Variants in TEX11 observed in about 807,000 individuals in gnomAD.
TEX11 encodes testis expressed 11.
In TEX11, 7 loss-of-function variants were observed where a neutral mutation model predicts 84.4. The ratio of observed to expected loss-of-function variants is 0.08; its 90% confidence interval spans 0.05 to 0.16. The LOEUF is 0.16. TEX11 is among the 10% of genes least tolerant of loss of function. TEX11 has a pLI of 1.00. For missense variants in TEX11, 551 were observed against 660.5 expected, an observed-to-expected ratio of 0.83 and a Z score of 1.82; for synonymous variants, 264 against 222.8, an observed-to-expected ratio of 1.18 and a Z score of -1.64.
chrX:70,708,936 A>AG (rs1476759216), intron 13 of TEX11, among the ~76,000 whole-genome samples: 1 of 109,856 alleles, frequency 9.1e-6, no homozygotes, highest in African/African-American at 3.3e-5. Context: ...ATTAAAAAAA[A>AG]AAAAAACTCC....
chrX:70,567,982 A>G (rs2088518491), intron 25 of TEX11, among the ~76,000 whole-genome samples: 1 of 110,734 alleles, frequency 9.0e-6, no homozygotes, highest in Non-Finnish European at 1.9e-5. Context: ...GTCTCGTTGA[A>G]CTGTCTAATA....
Position 70,875,033 on chromosome X carries a change from G to A in TEX11, c.160-1726C>T, listed in dbSNP as rs1415465090. On this transcript the variant is annotated intron_variant, in intron 3 of 29. Coordinates refer to ENST00000374333, the MANE Select transcript of TEX11 (RefSeq NM_031276.3). Reference sequence around the variant, plus strand: ...CTACTAAAATATACAAAAATTAGTCGTGCGTGGTGGCAGGTGCCTGTAATC... The same window carrying A: ...CTACTAAAATATACAAAAATTAGTCATGCGTGGTGGCAGGTGCCTGTAATC... Among the ~76,000 whole-genome samples, 10 of 109,088 alleles carry A rather than the reference G, an allele frequency of 9.2e-5. No individual in the cohort carries two copies. The Admixed American group carries it at 9.8e-4, about 11-fold the overall frequency. 94.7% of individuals were successfully genotyped at this position (109,088 alleles called of 115,157 possible).
intron 26 of TEX11, among the ~76,000 whole-genome samples, 196 bp from the exon 27 acceptor site, chrX:70,553,610 G>A (rs2088248784): frequency 9.0e-6 from 1 of 111,422 alleles, no homozygotes; most frequent in Non-Finnish European, 1.9e-5. Context: ...AGAGTAGCAT[G>A]GTGGGATTAC....
At chrX:70,596,491 G>A (rs1368704055) in intron 24 of TEX11, among the ~76,000 whole-genome samples, 2 of 111,000 alleles carry the variant, frequency 1.8e-5, no homozygotes, top group African/African-American at 6.5e-5. Context: ...AACAATTTGG[G>A]AAATTCACAA....
intron 4 of TEX11, among the ~76,000 whole-genome samples, chrX:70,869,111 A>ATAAAATAAAG (rs2091617066): frequency 1.2e-5 from 1 of 86,352 alleles, no homozygotes; most frequent in African/African-American, 4.0e-5. Flanking sequence ...ATAAAATAAA[A>ATAAAATAAAG]TAAAACAAAA....
intron 9 of TEX11, among the ~76,000 whole-genome samples, chrX:70,748,935 T>C (rs911617584): frequency 2.9e-4 from 31 of 106,047 alleles, no homozygotes; most frequent in Middle Eastern, 4.7e-3. Flanking sequence ...AACTTTAAAG[T>C]AGTTTTTTCC....
intron 9 of TEX11, among the ~76,000 whole-genome samples, chrX:70,782,841 A>G (rs2031090343): frequency 9.1e-6 from 1 of 110,145 alleles, no homozygotes; most frequent in Admixed American, 9.8e-5. Context: ...CAATCCTTAG[A>G]GACCTACAAA....
chrX:70,683,408 A>G (rs2090162202), intron 13 of TEX11, among the ~76,000 whole-genome samples: 1 of 111,816 alleles, frequency 8.9e-6, no homozygotes, highest in African/African-American at 3.3e-5. Context: ...AGGTGGGCAG[A>G]CTGCTTGAGC....
chrX:70,525,020 T>C (rs991364240), downstream of TEX11, among the ~76,000 whole-genome samples: 4 of 110,476 alleles, frequency 3.6e-5, no homozygotes, highest in African/African-American at 1.3e-4. Flanking sequence ...CTAAAAATAA[T>C]AATAAAAAAA....
At chrX:70,752,791 C>T (rs1602099251) in intron 9 of TEX11, among the ~76,000 whole-genome samples, 1 of 110,133 alleles carries the variant, frequency 9.1e-6, no homozygotes. Context: ...CTTCATATTG[C>T]TAAAAGAGGC....
intron 11 of TEX11, among the ~76,000 whole-genome samples, chrX:70,735,507 A>G (rs1005137192): frequency 8.9e-6 from 1 of 112,477 alleles, no homozygotes; most frequent in Non-Finnish European, 1.9e-5. Flanking sequence ...CCAAAAGTCA[A>G]GAAAATAATT....
chrX:70,536,735 A>G (rs959276476), intron 28 of TEX11, among the ~76,000 whole-genome samples: 2 of 112,356 alleles, frequency 1.8e-5, no homozygotes, highest in Non-Finnish European at 3.8e-5. Context: ...TTATAGTTTT[A>G]AAAGTATTTG....
chrX:70,549,485 C>G (rs1013091729), intron 28 of TEX11, among the ~76,000 whole-genome samples: 1 of 111,707 alleles, frequency 9.0e-6, no homozygotes, highest in Non-Finnish European at 1.9e-5. Flanking sequence ...GGTTCCAGGC[C>G]TTGGCTCTTG....
intron 17 of TEX11, among the ~76,000 whole-genome samples, chrX:70,648,412 A>T (rs1199681354): frequency 9.1e-6 from 1 of 110,188 alleles, no homozygotes; most frequent in African/African-American, 3.3e-5. Context: ...AAAGTATAAT[A>T]ATAAAATAAA....
intron 8 of TEX11, among the ~76,000 whole-genome samples, chrX:70,822,218 C>T (rs1333046522): frequency 9.0e-6 from 1 of 111,146 alleles, no homozygotes; most frequent in African/African-American, 3.3e-5. Context: ...GGTACAGATG[C>T]AACCATCCTT....
chrX:70,526,820 T>C (rs1210266746), downstream of TEX11, among the ~76,000 whole-genome samples: 1 of 110,700 alleles, frequency 9.0e-6, no homozygotes, highest in East Asian at 2.8e-4. Context: ...AATGACTGAT[T>C]CCGGGTCTGG....
intron 9 of TEX11, among the ~76,000 whole-genome samples, chrX:70,774,145 A>G (rs1487739662): frequency 9.1e-6 from 1 of 110,337 alleles, no homozygotes; most frequent in Non-Finnish European, 1.9e-5. Flanking sequence ...CCCAGCCCAC[A>G]ACAGACTGCG....
At chrX:70,754,759 G>C (rs941386889) in intron 9 of TEX11, among the ~76,000 whole-genome samples, 1 of 110,516 alleles carries the variant, frequency 9.0e-6, no homozygotes, top group East Asian at 2.9e-4. Context: ...GAGAGAAAGA[G>C]AGAAAGAGAG....
At chrX:70,817,262 C>T (rs1258510615) in intron 8 of TEX11, among the ~76,000 whole-genome samples, 1 of 108,206 alleles carries the variant, frequency 9.2e-6, no homozygotes, top group African/African-American at 3.4e-5. Flanking sequence ...TATACACACA[C>T]ACACACACAC....
Sources: allele counts gnomAD v4.1 joint callset (sites outside exome capture counted in the v4.1 genomes callset), GRCh38; gene constraint gnomAD v4.1.1; transcripts MANE v1.5; gene names NCBI Gene and HGNC (gene_info 2026-07-23, HGNC 2026-07-21).